Variants in SUCLG2 observed in about 807,000 individuals in gnomAD.
The protein encoded by SUCLG2 is succinate--CoA ligase [GDP-forming] subunit beta, mitochondrial.
SUCLG2 carries 42 observed loss-of-function variants against 47.9 expected under a neutral mutation model. The observed-to-expected ratio is 0.88, with a 90% CI of 0.69 to 1.14. The LOEUF (loss-of-function observed/expected upper bound fraction) is 1.14. Ranked by LOEUF, SUCLG2 falls within the 50% of genes most tolerant of loss-of-function variation. The pLI, the probability that SUCLG2 is intolerant of heterozygous loss-of-function variation, is 0.00. For missense variants in SUCLG2, 571 were observed against 525.9 expected, an observed-to-expected ratio of 1.09 and a Z score of -0.84; for synonymous variants, 195 against 197.3, an observed-to-expected ratio of 0.99 and a Z score of 0.10.
chr3:67,478,033 C>T (rs80020030), intron 9 of SUCLG2, among the ~76,000 whole-genome samples: 2,396 of 152,266 alleles, frequency 0.016, 60 homozygotes, highest in African/African-American at 0.055. Flanking sequence ...GATGAAGAAA[C>T]TAAGGCACAC....
intron 10 of SUCLG2, among the ~76,000 whole-genome samples, chr3:67,397,585 C>A (rs1158666385): frequency 6.6e-6 from 1 of 152,070 alleles, no homozygotes; most frequent in Non-Finnish European, 1.5e-5. Flanking sequence ...GTGAAAATGG[C>A]CATACTGCCC....
chr3:67,594,863 AT>A (rs781074824), intron 2 of SUCLG2, among the ~76,000 whole-genome samples: 1 of 152,210 alleles, frequency 6.6e-6, no homozygotes, highest in African/African-American at 2.4e-5. Context: ...AAGGGGTTTG[AT>A]TTTTTAAGAG....
intron 4 of SUCLG2, among the ~76,000 whole-genome samples, chr3:67,526,647 A>T (rs1456165149): frequency 2.0e-5 from 3 of 152,166 alleles, no homozygotes; most frequent in African/African-American, 7.2e-5. Context: ...ATCACAATGA[A>T]ATATCACTAC....
At chr3:67,502,921 G>T (rs747440941) in intron 7 of SUCLG2, among the ~76,000 whole-genome samples, 2 of 152,148 alleles carry the variant, frequency 1.3e-5, no homozygotes, top group Non-Finnish European at 2.9e-5. Context: ...TAGGCTGTTG[G>T]TGACTCTCAA....
intron 9 of SUCLG2, among the ~76,000 whole-genome samples, chr3:67,411,378 T>C (rs1702928942): frequency 6.6e-6 from 1 of 152,126 alleles, no homozygotes; most frequent in Non-Finnish European, 1.5e-5. Flanking sequence ...TGGTGGAATA[T>C]AATGATCCTG....
chr3:67,599,610 A>G (rs1188316465), intron 2 of SUCLG2, among the ~76,000 whole-genome samples: 2 of 152,088 alleles, frequency 1.3e-5, no homozygotes, highest in African/African-American at 4.8e-5. Flanking sequence ...ATTTTTGCAC[A>G]TCAAATACCT....
At chr3:67,570,438 C>G (rs1707575968) in intron 2 of SUCLG2, among the ~76,000 whole-genome samples, 1 of 152,182 alleles carries the variant, frequency 6.6e-6, no homozygotes, top group Non-Finnish European at 1.5e-5. Flanking sequence ...TCCTCAACTT[C>G]TAGGAGGCAA....
chr3:67,437,583 T>A (rs1306569769), intron 9 of SUCLG2, among the ~76,000 whole-genome samples: 2 of 152,158 alleles, frequency 1.3e-5, no homozygotes, highest in Non-Finnish European at 2.9e-5. Context: ...CATATTAATA[T>A]CAGTCTTTAA....
intron 2 of SUCLG2, among the ~76,000 whole-genome samples, chr3:67,564,637 G>A (rs1465411120): frequency 6.6e-6 from 1 of 152,198 alleles, no homozygotes; most frequent in Non-Finnish European, 1.5e-5. Flanking sequence ...TGCAGCTCAG[G>A]ACAGCTTTAA....
chr3:67,617,349 T>C (rs1028009615), intron 1 of SUCLG2, among the ~76,000 whole-genome samples: 3 of 152,108 alleles, frequency 2.0e-5, no homozygotes, highest in African/African-American at 7.2e-5. Flanking sequence ...CATGAAAACA[T>C]GCTACAGAAA....
intron 1 of SUCLG2, among the ~76,000 whole-genome samples, chr3:67,615,911 C>A (rs750868949): frequency 6.6e-6 from 1 of 151,934 alleles, no homozygotes; most frequent in African/African-American, 2.4e-5. Context: ...ATCCAAATGC[C>A]CATCAAATAG....
chr3:67,459,011 G>T (rs1196144761), intron 9 of SUCLG2, among the ~76,000 whole-genome samples: 1 of 152,166 alleles, frequency 6.6e-6, no homozygotes, highest in Non-Finnish European at 1.5e-5. Flanking sequence ...GATTTAAATT[G>T]TTATGTGGTC....
chr3:67,391,687 A>G (rs1386694981), intron 10 of SUCLG2, among the ~76,000 whole-genome samples: 1 of 152,114 alleles, frequency 6.6e-6, no homozygotes, highest in Non-Finnish European at 1.5e-5. Context: ...GCTAACACCC[A>G]GAATACATTG....
chr3:67,450,398 G>A (rs1398913803), intron 9 of SUCLG2, among the ~76,000 whole-genome samples: 1 of 152,136 alleles, frequency 6.6e-6, no homozygotes, highest in Non-Finnish European at 1.5e-5. Context: ...GTGGCTCTGA[G>A]CCAAAGCAAA....
At chr3:67,390,089 G>C (rs562129308) in intron 10 of SUCLG2, among the ~76,000 whole-genome samples, 1 of 152,128 alleles carries the variant, frequency 6.6e-6, no homozygotes, top group Non-Finnish European at 1.5e-5. Flanking sequence ...TTTCAGGCAC[G>C]CTGCCACATG....
intron 2 of SUCLG2, among the ~76,000 whole-genome samples, chr3:67,535,867 C>T (rs1706527942): frequency 6.6e-6 from 1 of 152,162 alleles, no homozygotes; most frequent in Non-Finnish European, 1.5e-5. Context: ...AACTCAAACC[C>T]AAAACTACAC....
chr3:67,500,966 G>A (rs1705479610), intron 7 of SUCLG2, among the ~76,000 whole-genome samples: 1 of 152,178 alleles, frequency 6.6e-6, no homozygotes, highest in South Asian at 2.1e-4. Context: ...CCAACTAAAT[G>A]CCTGCAAAGC....
At chr3:67,609,865 A>C (rs1700497238) in intron 1 of SUCLG2, among the ~76,000 whole-genome samples, 1 of 152,242 alleles carries the variant, frequency 6.6e-6, no homozygotes, top group Non-Finnish European at 1.5e-5. Flanking sequence ...TAACAGTAAT[A>C]CACAAATATC....
chr3:67,426,142 A>G (rs1221978982), intron 9 of SUCLG2, among the ~76,000 whole-genome samples: 1 of 152,176 alleles, frequency 6.6e-6, no homozygotes, highest in East Asian at 1.9e-4. Context: ...AAGCTTTAGT[A>G]TTTTAAAATG....
Sources: gnomAD v4.1 joint callset for allele counts (sites outside exome capture counted in the v4.1 genomes callset) on GRCh38, gnomAD v4.1.1 for gene constraint, MANE v1.5 for transcripts, NCBI Gene and HGNC (gene_info 2026-07-23, HGNC 2026-07-21) for gene names.